SYT16: variants seen among roughly 807,000 people sequenced by gnomAD.
SYT16 encodes the protein synaptotagmin-16.
SYT16 carries 42 observed loss-of-function variants against 61.4 expected under a neutral mutation model. That is an observed-to-expected ratio of 0.68 (90% confidence interval 0.53 to 0.89). The LOEUF (loss-of-function observed/expected upper bound fraction) is 0.89. Ranked by LOEUF, SYT16 falls within the 40% of genes least tolerant of loss-of-function variation. The pLI is 0.00. For missense variants in SYT16, 804 were observed against 807.3 expected (o/e 1.00, Z 0.05); for synonymous variants, 314 against 302.3 (o/e 1.04, Z -0.40).
At chr14:61,938,316 C>T (rs771342176) in intron 1 of SYT16, among the ~76,000 whole-genome samples, 9 of 151,930 alleles carry the variant, frequency 5.9e-5, no homozygotes, top group South Asian at 2.1e-4. Context: ...GAATATTAGA[C>T]GTGGGCCTTC....
chr14:62,021,085 T>G (rs1331532056), intron 3 of SYT16, among the ~76,000 whole-genome samples: 1 of 152,212 alleles, frequency 6.6e-6, no homozygotes, highest in Admixed American at 6.5e-5. Context: ...ATAATAATTA[T>G]TAAGGCTTTT....
intron 1 of SYT16, among the ~76,000 whole-genome samples, chr14:61,833,706 C>CTTTTTTTTTTTTT (rs11357318): frequency 4.1e-5 from 2 of 48,356 alleles, no homozygotes; most frequent in Non-Finnish European, 7.5e-5. Flanking sequence ...CCAGCAGTGG[C>CTTTTTTTTTTTTT]TTTTTTTTTT....
chr14:61,946,536 G>A (rs1189410675), intron 1 of SYT16, among the ~76,000 whole-genome samples: 2 of 152,054 alleles, frequency 1.3e-5, no homozygotes, highest in African/African-American at 2.4e-5. Flanking sequence ...ACCTGCACTT[G>A]TACCCCTAAA....
chr14:61,996,372 C>T lies in SYT16; in HGVS notation c.353C>T (p.Ser118Phe). 2.5e-6 allele frequency: 4 copies of T among 1,613,546 alleles called. No individual in the cohort carries two copies. The highest frequency in any genetic ancestry group is 3.4e-6 in the Non-Finnish European group (4 of 1,179,616). ...AGCCAACATGCAAAGGACTCATGTT[C>T]CACAATGTCCCAGTGGCCCAATTGG... ...SLSQHAKDSC[S>F]TMSQWPNWAS... Residue 118 changes from serine (S) to phenylalanine (F), a missense_variant, in exon 3 of 8, where the codon TCC becomes TTC. Ser to Phe is a radical substitution (Grantham distance 155). Transcript: ENST00000683842.
At chr14:61,938,475 T>C (rs1455911975) in intron 1 of SYT16, among the ~76,000 whole-genome samples, 2 of 151,744 alleles carry the variant, frequency 1.3e-5, no homozygotes, top group Non-Finnish European at 2.9e-5. Flanking sequence ...GGGGAGGGGA[T>C]TGGATTAAAG....
intron 3 of SYT16, among the ~76,000 whole-genome samples, chr14:62,052,410 G>A (rs893562327): frequency 1.3e-5 from 2 of 152,170 alleles, no homozygotes; most frequent in Non-Finnish European, 2.9e-5. Context: ...TAACGGTGTT[G>A]AAATTAGAAT....
chr14:62,055,243 C>G (rs1341981151), intron 3 of SYT16, among the ~76,000 whole-genome samples: 2 of 152,198 alleles, frequency 1.3e-5, no homozygotes, highest in Non-Finnish European at 2.9e-5. Context: ...GAAAACAACA[C>G]AACTCTTGGG....
At chr14:61,914,736 A>T (rs2049055322) in intron 1 of SYT16, among the ~76,000 whole-genome samples, 1 of 152,194 alleles carries the variant, frequency 6.6e-6, no homozygotes, top group African/African-American at 2.4e-5. Flanking sequence ...GCTTTTACCC[A>T]GTTATAAGCC....
intron 3 of SYT16, among the ~76,000 whole-genome samples, chr14:62,061,800 T>G (rs2055838068): frequency 6.6e-6 from 1 of 152,052 alleles, no homozygotes; most frequent in Admixed American, 6.6e-5. Context: ...AAGTTAGAGA[T>G]TTTAACACCT....
intron 1 of SYT16, among the ~76,000 whole-genome samples, chr14:61,917,950 C>A (rs1020162897): frequency 6.6e-6 from 1 of 152,070 alleles, no homozygotes; most frequent in Non-Finnish European, 1.5e-5. Context: ...TAAATGCTTT[C>A]GTGCATGAAA....
At chr14:61,993,862 T>A (rs2052657306) in intron 2 of SYT16, among the ~76,000 whole-genome samples, 1 of 152,162 alleles carries the variant, frequency 6.6e-6, no homozygotes. Flanking sequence ...TAATAGGATT[T>A]GTTATTGAGA....
At chr14:62,012,372 T>C (rs939283344) in intron 3 of SYT16, among the ~76,000 whole-genome samples, 5 of 152,200 alleles carry the variant, frequency 3.3e-5, no homozygotes, top group Non-Finnish European at 7.3e-5. Flanking sequence ...TGCTGGAGGC[T>C]GTCTGTGGTC....
At position 61,855,931 on chromosome 14, in the gene SYT16, A is replaced by G. The variant is rs533167834; in HGVS notation, c.-325+43121A>G. ...TGAAAAAAAGACTCTTACAAGTAAC[A>G]TTTAAAATTAACATGTGAATTTTAT... On this transcript the variant is annotated intron_variant, in intron 1 of 7. Transcript: ENST00000683842. Among the ~76,000 whole-genome samples, 14 of 152,388 alleles carry G rather than the reference A, an allele frequency of 9.2e-5. No individual in the cohort carries two copies. The East Asian group carries it at 2.5e-3, about 27-fold the overall frequency.
intron 1 of SYT16, among the ~76,000 whole-genome samples, chr14:61,837,717 CTT>C (rs2046175800): frequency 1.3e-5 from 2 of 152,334 alleles, no homozygotes; most frequent in African/African-American, 2.4e-5. Flanking sequence ...CCTGGGTTCT[CTT>C]TCTCTGTGCA....
chr14:62,051,017 C>T (rs988036475), intron 3 of SYT16, among the ~76,000 whole-genome samples: 5 of 152,210 alleles, frequency 3.3e-5, no homozygotes, highest in African/African-American at 4.8e-5. Flanking sequence ...GGGACATTTA[C>T]GTCTGTAGAG....
chr14:61,989,867 A>G (rs2052474252), intron 2 of SYT16, among the ~76,000 whole-genome samples: 1 of 152,166 alleles, frequency 6.6e-6, no homozygotes, highest in South Asian at 2.1e-4. Flanking sequence ...TTCATTTTAT[A>G]TTAACTGCCT....
At chr14:61,838,422 C>T (rs1467487587) in intron 1 of SYT16, among the ~76,000 whole-genome samples, 1 of 152,150 alleles carries the variant, frequency 6.6e-6, no homozygotes, top group Non-Finnish European at 1.5e-5. Flanking sequence ...AGGACCCTCC[C>T]AGCTGTTCAC....
At chr14:61,986,569 T>A (rs191831284) in intron 2 of SYT16, among the ~76,000 whole-genome samples, 19 of 152,100 alleles carry the variant, frequency 1.2e-4, no homozygotes, top group Middle Eastern at 3.4e-3. Context: ...GTCATTTACA[T>A]TAGGTATATC....
chr14:61,926,751 A>T (rs1264851342), intron 1 of SYT16, among the ~76,000 whole-genome samples: 1 of 152,096 alleles, frequency 6.6e-6, no homozygotes, highest in African/African-American at 2.4e-5. Context: ...CATTCTATGA[A>T]TATATTTACA....
Sources: gnomAD v4.1 joint callset for allele counts (sites outside exome capture counted in the v4.1 genomes callset) on GRCh38, gnomAD v4.1.1 for gene constraint, MANE v1.5 for transcripts, NCBI Gene and HGNC (gene_info 2026-07-23, HGNC 2026-07-21) for gene names.